The following BMPR1B variants were observed in gnomAD, a reference collection of about 807,000 sequenced individuals.
BMPR1B encodes the protein bone morphogenetic protein receptor type 1B, also known as bone morphogenetic protein receptor type-1B.
BMPR1B carries 12 observed loss-of-function variants against 59.1 expected under a neutral mutation model. The observed-to-expected ratio is 0.20, with a 90% CI of 0.13 to 0.33. The LOEUF is 0.33. Among genes scored for constraint, BMPR1B ranks in the 10% least tolerant of loss-of-function variants. The pLI, the probability that BMPR1B is intolerant of heterozygous loss-of-function variation, is 1.00. For missense variants in BMPR1B, 550 were observed against 610.9 expected (o/e 0.90, Z 1.05); for synonymous variants, 237 against 207.3 (o/e 1.14, Z -1.23).
At chr4:95,057,587 A>G (rs1021296062) in intron 3 of BMPR1B, among the ~76,000 whole-genome samples, 2 of 152,100 alleles carry the variant, frequency 1.3e-5, no homozygotes, top group Non-Finnish European at 2.9e-5. Context: ...AAGGTAACCT[A>G]CTAGCCATGT....
At chr4:95,067,303 T>G (rs1017739582) in intron 3 of BMPR1B, among the ~76,000 whole-genome samples, 1 of 152,224 alleles carries the variant, frequency 6.6e-6, no homozygotes, top group African/African-American at 2.4e-5. Flanking sequence ...CTGTGTAATT[T>G]TTTCCCAAGT....
chr4:94,903,282 G>A (rs1727901375), intron 2 of BMPR1B, among the ~76,000 whole-genome samples: 1 of 151,712 alleles, frequency 6.6e-6, no homozygotes, highest in Non-Finnish European at 1.5e-5. Context: ...TTTTATCCCC[G>A]AGTCCCAGTT....
At chr4:94,977,795 TGTG>T (rs1479510082) in intron 2 of BMPR1B, among the ~76,000 whole-genome samples, 24 of 152,268 alleles carry the variant, frequency 1.6e-4, no homozygotes, top group African/African-American at 5.5e-4. Context: ...TGGCGGAGGT[TGTG>T]GTGAGCGGAG....
chr4:95,065,182 C>T (rs1727701320), intron 3 of BMPR1B, among the ~76,000 whole-genome samples: 1 of 152,086 alleles, frequency 6.6e-6, no homozygotes, highest in African/African-American at 2.4e-5. Context: ...GAATGAAGTA[C>T]TGATACATGC....
At chr4:94,870,210 CTTG>C (rs1293883793) in intron 1 of BMPR1B, among the ~76,000 whole-genome samples, 1 of 152,090 alleles carries the variant, frequency 6.6e-6, no homozygotes, top group African/African-American at 2.4e-5. Context: ...CGTATTTGGG[CTTG>C]TTTTTATGAT....
chr4:94,836,713 G>A (rs1487102014), intron 1 of BMPR1B, among the ~76,000 whole-genome samples: 2 of 146,974 alleles, frequency 1.4e-5, no homozygotes, highest in Admixed American at 6.8e-5. Context: ...TAGGTTGCCT[G>A]TTCACTCTGA....
intron 2 of BMPR1B, among the ~76,000 whole-genome samples, chr4:94,971,076 A>G (rs1353885467): frequency 6.6e-6 from 1 of 152,204 alleles, no homozygotes; most frequent in African/African-American, 2.4e-5. Flanking sequence ...GTGCAGCAAT[A>G]TCAATAATGA....
Position 94,937,707 on chromosome 4 carries a change from A to AACACACACACAC in BMPR1B, c.-112-58322_-112-58321insCACACACACACA, listed in dbSNP as rs67140382. On this transcript the variant is annotated intron_variant, in intron 2 of 12. Coordinates refer to ENST00000515059, the MANE Select transcript of BMPR1B (RefSeq NM_001203.3). ...TTTTTAAATTTTATGTATATGTATA[A>AACACACACACAC]ACACACACACAGACACACACACACA... 4.4e-4 allele frequency among the ~76,000 whole-genome samples: 67 copies of AACACACACACAC among 151,196 alleles called. 1 individual carries two copies. The South Asian group carries it at 8.2e-3, about 18-fold the overall frequency.
At chr4:94,820,564 A>G (rs886196287) in intron 1 of BMPR1B, among the ~76,000 whole-genome samples, 16 of 152,226 alleles carry the variant, frequency 1.1e-4, no homozygotes, top group African/African-American at 3.6e-4. Flanking sequence ...TCTCATAAAG[A>G]TATGGTAATG....
At chr4:94,947,615 T>C (rs1406313153) in intron 2 of BMPR1B, among the ~76,000 whole-genome samples, 1 of 152,232 alleles carries the variant, frequency 6.6e-6, no homozygotes, top group Non-Finnish European at 1.5e-5. Flanking sequence ...AATGTGTTTG[T>C]TGATTGAAGT....
chr4:95,045,630 C>A (rs1020652126), intron 3 of BMPR1B, among the ~76,000 whole-genome samples: 1 of 152,150 alleles, frequency 6.6e-6, no homozygotes, highest in Non-Finnish European at 1.5e-5. Context: ...GTTCAAATGC[C>A]TCCCCCACGC....
intron 1 of BMPR1B, among the ~76,000 whole-genome samples, chr4:94,854,695 T>C (rs1578723950): frequency 6.6e-6 from 1 of 152,278 alleles, no homozygotes; most frequent in Middle Eastern, 3.4e-3. Context: ...AAACTCTTCG[T>C]TTGGGACAGT....
chr4:94,926,282 A>G (rs1411289702), intron 2 of BMPR1B, among the ~76,000 whole-genome samples: 1 of 151,818 alleles, frequency 6.6e-6, no homozygotes, highest in Non-Finnish European at 1.5e-5. Context: ...TAGATGTTTT[A>G]TAGGTTTCGC....
At chr4:95,075,341 A>C (rs963054672) in intron 3 of BMPR1B, among the ~76,000 whole-genome samples, 1 of 152,114 alleles carries the variant, frequency 6.6e-6, no homozygotes, top group African/African-American at 2.4e-5. Flanking sequence ...TGCTATACTT[A>C]TGATTTTTAG....
chr4:94,885,603 T>G (rs2148984230), intron 2 of BMPR1B, among the ~76,000 whole-genome samples: 1 of 152,290 alleles, frequency 6.6e-6, no homozygotes, highest in African/African-American at 2.4e-5. Context: ...GCCTGACCAC[T>G]TTGTGGTTTT....
chr4:95,008,865 C>T (rs969590724), intron 3 of BMPR1B, among the ~76,000 whole-genome samples: 2 of 151,898 alleles, frequency 1.3e-5, no homozygotes, highest in African/African-American at 4.8e-5. Context: ...CATGCTGAAC[C>T]TCATTAATAA....
Position 95,157,729 on chromosome 4 carries a change from A to T in BMPR1B, c.*3056A>T, listed in dbSNP as rs967915227. On this transcript the variant is annotated 3_prime_UTR_variant, in exon 13 of 13. Transcript: ENST00000515059. ...ATTATGGATGATAAAGTACTAAATG[A>T]AACATAATATTTATTTATAAAAGTG... 5 of 152,062 alleles carry T rather than the reference A, an allele frequency of 3.3e-5. No homozygotes were observed. Among genetic ancestry groups the T allele is most frequent in the African/African-American group, 1.2e-4 (5 of 41,426 alleles). The allele number at this position is 152,062 out of a possible 1,614,324, so 9.4% of individuals were successfully genotyped here. A position where few individuals can be genotyped will look rare whatever the true frequency, so the allele number is the denominator to read the frequency against.
chr4:94,843,139 A>C (rs1725165029), intron 1 of BMPR1B, among the ~76,000 whole-genome samples: 2 of 152,226 alleles, frequency 1.3e-5, no homozygotes. Flanking sequence ...AACTTGCCCA[A>C]AATCACATAG....
In BMPR1B at chr4:95,152,473, A is replaced by T. The variant is rs111841048; in HGVS notation, c.1253-170A>T. On this transcript the variant is annotated intron_variant, in intron 11 of 12. Transcript: ENST00000515059. The stretch of plus-strand genomic sequence containing the variant: ...GCTTTGTATTCATTTTTTCTAAATT[A>T]GATTAAGTACCATTTGGGTAAATAT... 1.9e-3 allele frequency among the ~76,000 whole-genome samples: 289 copies of T among 152,318 alleles called. 3 individuals carry two copies. Among genetic ancestry groups the T allele is most frequent in the African/African-American group, 6.8e-3 (281 of 41,582 alleles).
Sources: gnomAD v4.1 joint callset for allele counts (sites outside exome capture counted in the v4.1 genomes callset) on GRCh38, gnomAD v4.1.1 for gene constraint, MANE v1.5 for transcripts, NCBI Gene and HGNC (gene_info 2026-07-23, HGNC 2026-07-21) for gene names.